NCAM2: variants seen among roughly 807,000 people sequenced by gnomAD.
NCAM2 encodes the protein neural cell adhesion molecule 2, also known as N-CAM-2.
Under a neutral mutation model 98.1 loss-of-function variants are expected in NCAM2, and 30 were observed. That is an observed-to-expected ratio of 0.31 (90% CI 0.23 to 0.41). NCAM2 has a LOEUF of 0.41. NCAM2 is among the 10% of genes least tolerant of loss of function. The pLI, the probability that NCAM2 is intolerant of heterozygous loss-of-function variation, is 1.00. For synonymous variants in NCAM2, 368 were observed against 342.4 expected, an observed-to-expected ratio of 1.07 and a Z score of -0.83; for missense variants, 867 against 1,005.8, an observed-to-expected ratio of 0.86 and a Z score of 1.87.
intron 1 of NCAM2, among the ~76,000 whole-genome samples, chr21:21,171,672 G>A (rs1056004543): frequency 6.6e-6 from 1 of 152,136 alleles, no homozygotes; most frequent in Admixed American, 6.6e-5. Flanking sequence ...AGGTCAGTAG[G>A]CATCTGACAA....
chr21:21,019,438 A>T (rs1430258255), intron 1 of NCAM2, among the ~76,000 whole-genome samples: 7 of 152,212 alleles, frequency 4.6e-5, no homozygotes, highest in Non-Finnish European at 1.0e-4. Flanking sequence ...ATTTGCATAT[A>T]AATCTTGCTC....
chr21:21,478,498 AT>A (rs1195923680), intron 15 of NCAM2, among the ~76,000 whole-genome samples: 1 of 151,916 alleles, frequency 6.6e-6, no homozygotes, highest in Non-Finnish European at 1.5e-5. Context: ...ACATATTATG[AT>A]TTTGTTATAT....
At chr21:21,032,968 G>T (rs1228667146) in intron 1 of NCAM2, among the ~76,000 whole-genome samples, 83 of 142,662 alleles carry the variant, frequency 5.8e-4, no homozygotes, top group Non-Finnish European at 9.4e-4. Flanking sequence ...TTTTGAGACA[G>T]AGTTTCACTC....
chr21:21,236,448 AT>A lies in NCAM2; in HGVS notation c.56-44121del, dbSNP rs1007573762. Among the ~76,000 whole-genome samples, 8 of 150,836 alleles carry A rather than the reference AT, an allele frequency of 5.3e-5. No homozygotes were observed. In the South Asian group the frequency reaches 8.4e-4, roughly 16 times the overall value. Reference sequence around the variant, plus strand: ...TTTTATAACTATCAGTTTCTTTGTAATTTTTTTTTGCAAATGTGAAAGTAAT... The same window carrying A: ...TTTTATAACTATCAGTTTCTTTGTAATTTTTTTTGCAAATGTGAAAGTAAT... On this transcript the variant is annotated intron_variant, in intron 1 of 17. Coordinates refer to ENST00000400546, the MANE Select transcript of NCAM2 (RefSeq NM_004540.5).
intron 9 of NCAM2, among the ~76,000 whole-genome samples, chr21:21,409,791 C>T (rs1000274793): frequency 2.6e-5 from 4 of 152,078 alleles, no homozygotes; most frequent in Non-Finnish European, 4.4e-5. Context: ...CATATATTTT[C>T]GTGAGTTCTG....
rs143042645 is a variant in NCAM2, at chr21:21,113,014, G to A, written c.55+114396G>A. 4.1e-4 allele frequency among the ~76,000 whole-genome samples: 62 copies of A among 152,170 alleles called. 1 individual carries two copies. Among genetic ancestry groups the A allele is most frequent in the African/African-American group, 1.5e-3 (61 of 41,512 alleles). ...TTTCACAAAACTTCGTCTTTTCCAG[G>A]TGTTAGCATTAAGTTCTCTTTATAT... On this transcript the variant is annotated intron_variant, in intron 1 of 17. Coordinates refer to ENST00000400546, the MANE Select transcript of NCAM2 (RefSeq NM_004540.5).
chr21:21,392,340 C>T (rs2076399040), intron 9 of NCAM2, among the ~76,000 whole-genome samples: 1 of 152,178 alleles, frequency 6.6e-6, no homozygotes, highest in African/African-American at 2.4e-5. Flanking sequence ...TTTTCTTTAT[C>T]CAGTCTATCA....
chr21:21,492,752 C>A (rs1229885427), intron 15 of NCAM2, among the ~76,000 whole-genome samples: 1 of 151,782 alleles, frequency 6.6e-6, no homozygotes, highest in African/African-American at 2.4e-5. Flanking sequence ...TATGTGTTTG[C>A]TTCTCTACTG....
intron 16 of NCAM2, among the ~76,000 whole-genome samples, chr21:21,529,185 G>A (rs1353674953): frequency 6.6e-6 from 1 of 151,992 alleles, no homozygotes; most frequent in Non-Finnish European, 1.5e-5. Flanking sequence ...TGGTTATTGT[G>A]AGTGAAATAT....
intron 14 of NCAM2, among the ~76,000 whole-genome samples, chr21:21,471,845 AC>A: frequency 6.6e-6 from 1 of 152,114 alleles, no homozygotes; most frequent in South Asian, 2.1e-4. Flanking sequence ...TTGTTCACTC[AC>A]CCATTACAAA....
At chr21:21,106,137 T>C (rs2066340243) in intron 1 of NCAM2, among the ~76,000 whole-genome samples, 1 of 151,704 alleles carries the variant, frequency 6.6e-6, no homozygotes, top group African/African-American at 2.4e-5. Flanking sequence ...CAAGACACAG[T>C]CTCTACAAAA....
chr21:21,226,428 T>C (rs2070386219), intron 1 of NCAM2, among the ~76,000 whole-genome samples: 1 of 152,094 alleles, frequency 6.6e-6, no homozygotes, highest in Admixed American at 6.6e-5. Context: ...TAATTTTGAG[T>C]AAACACAACT....
chr21:21,176,439 A>G (rs542721262), intron 1 of NCAM2, among the ~76,000 whole-genome samples: 14 of 152,138 alleles, frequency 9.2e-5, no homozygotes, highest in African/African-American at 2.2e-4. Flanking sequence ...TTAACCATCT[A>G]TCTTTCATAT....
chr21:21,449,015 G>T lies in NCAM2; in HGVS notation c.1654+16734G>T, dbSNP rs1220730566. Reference sequence around the variant, plus strand: ...AAAGTATACAGGCACTAAGCTAAGAGAAAAATTAAGCAAAATAACAATTTT... The same window carrying T: ...AAAGTATACAGGCACTAAGCTAAGATAAAAATTAAGCAAAATAACAATTTT... On this transcript the variant is annotated intron_variant, in intron 12 of 17. Coordinates refer to ENST00000400546, the MANE Select transcript of NCAM2 (RefSeq NM_004540.5). Among the ~76,000 whole-genome samples, 3 of 151,960 alleles carry T rather than the reference G, an allele frequency of 2.0e-5. No individual in the cohort carries two copies. The South Asian group carries it at 6.2e-4, about 31-fold the overall frequency.
chr21:21,506,669 A>G (rs1208808290), intron 15 of NCAM2, among the ~76,000 whole-genome samples: 1 of 152,146 alleles, frequency 6.6e-6, no homozygotes, highest in Non-Finnish European at 1.5e-5. Flanking sequence ...TTATTCCTCA[A>G]GTGGTTTCAT....
chr21:21,318,689 A>G (rs1737144452), intron 5 of NCAM2, among the ~76,000 whole-genome samples: 1 of 152,132 alleles, frequency 6.6e-6, no homozygotes, highest in African/African-American at 2.4e-5. Flanking sequence ...CACTTTACCT[A>G]TGAATTTCAA....
intron 16 of NCAM2, among the ~76,000 whole-genome samples, chr21:21,511,578 G>A (rs1342039140): frequency 6.6e-6 from 1 of 151,574 alleles, no homozygotes; most frequent in East Asian, 1.9e-4. Context: ...AATATCTCTT[G>A]ATTTTTTTAA....
intron 1 of NCAM2, among the ~76,000 whole-genome samples, chr21:21,018,796 G>T (rs2064370704): frequency 6.6e-6 from 1 of 152,130 alleles, no homozygotes; most frequent in African/African-American, 2.4e-5. Flanking sequence ...AGAGTTTGTA[G>T]TAACTTTATT....
At chr21:21,162,702 G>GA (rs1260039122) in intron 1 of NCAM2, among the ~76,000 whole-genome samples, 1 of 152,030 alleles carries the variant, frequency 6.6e-6, no homozygotes, top group Non-Finnish European at 1.5e-5. Flanking sequence ...CCATGGAAAA[G>GA]AAAAAGAAGT....
Sources: gnomAD v4.1 joint callset for allele counts (sites outside exome capture counted in the v4.1 genomes callset) on GRCh38, gnomAD v4.1.1 for gene constraint, MANE v1.5 for transcripts, NCBI Gene and HGNC (gene_info 2026-07-23, HGNC 2026-07-21) for gene names.